The following CFAP299 variants were observed in gnomAD, a reference collection of about 807,000 sequenced individuals.
CFAP299 encodes the protein cilia and flagella associated protein 299.
Under a neutral mutation model 27.0 loss-of-function variants are expected in CFAP299, and 21 were observed. The ratio of observed to expected loss-of-function variants is 0.78; its 90% CI spans 0.55 to 1.12. The LOEUF (loss-of-function observed/expected upper bound fraction) is 1.12. Among genes scored for constraint, CFAP299 ranks in the 50% most tolerant of loss-of-function variants. The pLI, the probability that CFAP299 is intolerant of heterozygous loss-of-function variation, is 0.00. For missense variants in CFAP299, 310 were observed against 276.6 expected (o/e 1.12, Z -0.86); for synonymous variants, 104 against 98.1 (o/e 1.06, Z -0.36).
rs536464595 is a variant in CFAP299 at position 80,459,283 on chromosome 4, T to G, written c.242+96399T>G. On this transcript the variant is annotated intron_variant, in intron 2 of 5. Transcript: ENST00000358105. ...AGAATTACAGGCATGAGTCACTGCA[T>G]CCAGCCAGGCTTCTTATGAAGACAA... 4.5e-4 allele frequency among the ~76,000 whole-genome samples: 69 copies of G among 152,248 alleles called. 1 individual carries two copies. Among genetic ancestry groups the G allele is most frequent in the African/African-American group, 1.6e-3 (67 of 41,562 alleles).
intron 4 of CFAP299, among the ~76,000 whole-genome samples, chr4:80,934,667 C>A (rs193287821): frequency 6.6e-6 from 1 of 151,646 alleles, no homozygotes; most frequent in East Asian, 1.9e-4. Context: ...TCTGGTTTAT[C>A]CAATTTGTTG....
Position 80,684,277 on chromosome 4 carries a change from G to T in CFAP299, c.333+101094G>T, listed in dbSNP as rs904257436. On this transcript the variant is annotated intron_variant, in intron 3 of 5. Coordinates refer to ENST00000358105, the MANE Select transcript of CFAP299 (RefSeq NM_152770.3). Reference sequence around the variant, plus strand: ...CTCTAAGATGACTTCTTTTTTTTGGGGGGGGGGGACGGAGCCTCACTTTGT... The same window carrying T: ...CTCTAAGATGACTTCTTTTTTTTGGTGGGGGGGGACGGAGCCTCACTTTGT... Among the ~76,000 whole-genome samples, 12 of 142,496 alleles carry T rather than the reference G, an allele frequency of 8.4e-5. No individual in the cohort carries two copies. The South Asian group carries it at 9.1e-4, about 11-fold the overall frequency. The allele number at this position is 142,496 out of a possible 152,430, so 93.5% of individuals were successfully genotyped here.
At chr4:80,437,544 G>C (rs1001297428) in intron 2 of CFAP299, among the ~76,000 whole-genome samples, 2 of 152,156 alleles carry the variant, frequency 1.3e-5, no homozygotes, top group African/African-American at 4.8e-5. Context: ...TTGCAGAAGA[G>C]GGATCCTGAG....
At chr4:80,440,051 A>AT (rs1309210249) in intron 2 of CFAP299, among the ~76,000 whole-genome samples, 2 of 152,286 alleles carry the variant, frequency 1.3e-5, no homozygotes, top group Middle Eastern at 3.4e-3. Context: ...AGCAGCCCCC[A>AT]TCAGGGGCTT....
chr4:80,565,601 C>G (rs1735241122), intron 2 of CFAP299, among the ~76,000 whole-genome samples: 1 of 151,910 alleles, frequency 6.6e-6, no homozygotes, highest in South Asian at 2.1e-4. Flanking sequence ...TTTAAAATAT[C>G]TTAAACATTG....
chr4:80,749,407 C>T (rs114466200), intron 3 of CFAP299, among the ~76,000 whole-genome samples: 2,401 of 152,172 alleles, frequency 0.016, 52 homozygotes, highest in African/African-American at 0.055. Context: ...TCTGGGTTCT[C>T]TAGAGGGACA....
At chr4:80,938,556 G>A (rs1408361426) in intron 4 of CFAP299, among the ~76,000 whole-genome samples, 1 of 152,116 alleles carries the variant, frequency 6.6e-6, no homozygotes, top group Non-Finnish European at 1.5e-5. Context: ...CAGTAAATAC[G>A]TGGGTAAATA....
chr4:80,900,005 G>C lies in CFAP299; in HGVS notation c.476+29870G>C, dbSNP rs556336146. Among the ~76,000 whole-genome samples, 9 of 152,172 alleles carry C rather than the reference G, an allele frequency of 5.9e-5. No individual in the cohort carries two copies. The South Asian group carries it at 1.2e-3, about 21-fold the overall frequency. ...GTTTCAGTCAAGAGGTGGTGGTAAC[G>C]GGTCAGAGAAAAACCCTATTGTAGT... On this transcript the variant is annotated intron_variant, in intron 4 of 5. Transcript: ENST00000358105.
chr4:80,943,472 G>A (rs187049309), intron 4 of CFAP299, among the ~76,000 whole-genome samples: 2 of 151,982 alleles, frequency 1.3e-5, no homozygotes, highest in Admixed American at 6.6e-5. Flanking sequence ...AGGGCAAAAC[G>A]ACCTAGAAAC....
At chr4:80,678,436 G>C (rs1264977600) in intron 3 of CFAP299, among the ~76,000 whole-genome samples, 1 of 151,950 alleles carries the variant, frequency 6.6e-6, no homozygotes, top group African/African-American at 2.4e-5. Flanking sequence ...TGCTTATTAT[G>C]TGTCCAAAAT....
intron 3 of CFAP299, among the ~76,000 whole-genome samples, chr4:80,796,083 A>G (rs1578131405): frequency 6.6e-6 from 1 of 152,198 alleles, no homozygotes. Flanking sequence ...GCAGCCTTTC[A>G]GGTCACTTGA....
At chr4:80,575,612 T>C (rs372420236) in intron 2 of CFAP299, among the ~76,000 whole-genome samples, 1 of 152,248 alleles carries the variant, frequency 6.6e-6, no homozygotes, top group South Asian at 2.1e-4. Flanking sequence ...TTGTTGAACA[T>C]TTATATTGTT....
chr4:80,577,040 C>T (rs1018040213), intron 2 of CFAP299, among the ~76,000 whole-genome samples: 3 of 152,188 alleles, frequency 2.0e-5, no homozygotes, highest in Non-Finnish European at 2.9e-5. Context: ...CTCTCCTACA[C>T]CCCTACTGAT....
chr4:80,357,688 C>T (rs970202310), intron 1 of CFAP299, among the ~76,000 whole-genome samples: 1 of 151,898 alleles, frequency 6.6e-6, no homozygotes, highest in Non-Finnish European at 1.5e-5. Flanking sequence ...TTTTATCCCC[C>T]TGTTGTTTCT....
intron 4 of CFAP299, 142 bp from the exon 5 acceptor site, chr4:80,944,668 T>A (rs893996434): frequency 3.3e-6 from 2 of 614,732 alleles, no homozygotes; most frequent in African/African-American, 3.7e-5. Context: ...AGAATTTTAA[T>A]CTCAAATGTG....
rs543484454 is a variant in CFAP299 at position 80,428,472 on chromosome 4, C to T, written c.242+65588C>T. Among the ~76,000 whole-genome samples, 56 of 152,220 alleles carry T rather than the reference C, an allele frequency of 3.7e-4. 2 individuals carry two copies. The South Asian group carries it at 0.011, about 31-fold the overall frequency. ...GTAACATATGAAGAAAATGTTTCCT[C>T]GTGAGAAAAATGAACTAACTATGTT... is the stretch of plus-strand genomic sequence containing the variant. On this transcript the variant is annotated intron_variant, in intron 2 of 5. Transcript: ENST00000358105.
chr4:80,550,760 A>AACACAC (rs10561056), intron 2 of CFAP299, among the ~76,000 whole-genome samples: 281 of 148,806 alleles, frequency 1.9e-3, no homozygotes, highest in African/African-American at 5.0e-3. Flanking sequence ...ATTAACTCAA[A>AACACAC]ACACACACAC....
intron 2 of CFAP299, among the ~76,000 whole-genome samples, chr4:80,398,481 C>T (rs1392981057): frequency 6.6e-6 from 1 of 152,072 alleles, no homozygotes; most frequent in African/African-American, 2.4e-5. Flanking sequence ...GGTACTGGTA[C>T]CAAAACAGAT....
chr4:80,365,021 G>A (rs891812212), intron 2 of CFAP299, among the ~76,000 whole-genome samples: 1 of 152,134 alleles, frequency 6.6e-6, no homozygotes, highest in Admixed American at 6.5e-5. Flanking sequence ...GAGCATTTGG[G>A]TTGATTCATG....
Sources: allele counts gnomAD v4.1 joint callset (sites outside exome capture counted in the v4.1 genomes callset), GRCh38; gene constraint gnomAD v4.1.1; transcripts MANE v1.5; gene names NCBI Gene and HGNC (gene_info 2026-07-23, HGNC 2026-07-21).